SUPT6H: variants seen among roughly 807,000 people sequenced by gnomAD.
The protein encoded by SUPT6H is SPT6 homolog, histone chaperone and transcription elongation factor, also known as transcription elongation factor SPT6.
Under a neutral mutation model 222.3 loss-of-function variants are expected in SUPT6H, and 11 were observed. The observed-to-expected ratio is 0.05, with a 90% CI of 0.03 to 0.08. SUPT6H has a LOEUF of 0.08. SUPT6H is among the 10% of genes least tolerant of loss of function. The pLI, the probability that SUPT6H is intolerant of heterozygous loss-of-function variation, is 1.00. For missense variants in SUPT6H, 1,422 were observed against 2,216.0 expected (o/e 0.64, Z 7.19); for synonymous variants, 762 against 801.2 (o/e 0.95, Z 0.83).
Position 28,691,254 on chromosome 17 carries a change from C to T in SUPT6H, c.3633+191C>T, listed in dbSNP as rs118073561. 4.8e-4 allele frequency: 351 copies of T among 727,514 alleles called. 5 individuals are homozygous for T. In the East Asian group the frequency reaches 9.5e-3, roughly 20 times the overall value. The allele number at this position is 727,514 out of a possible 1,614,324, so 45.1% of individuals were successfully genotyped here. On this transcript the variant is annotated intron_variant, in intron 27 of 36. Coordinates refer to ENST00000314616, the MANE Select transcript of SUPT6H (RefSeq NM_003170.5). The stretch of plus-strand genomic sequence containing the variant: ...CTGAGAAGGCTGACATAGCTGGGCA[C>T]GGTGGCTCACGCCTATAATCCTAGC...
rs1391018395 is a variant in SUPT6H, at chr17:28,686,777, C to T, written c.2688C>T (p.Ser896=). 1.2e-6 allele frequency: 2 copies of T among 1,605,196 alleles called. No individual in the cohort carries two copies. Among genetic ancestry groups the T allele is most frequent in the Non-Finnish European group, 1.7e-6 (2 of 1,176,628 alleles). ...DNELAILYMN[S]KKSEAEFRDY... ...AGTTGGCCATTCTCTATATGAACAGCAAGAAGTCAGAGGTAATGCTGGAGC... is the reference window on the plus strand; with the variant it reads ...AGTTGGCCATTCTCTATATGAACAGTAAGAAGTCAGAGGTAATGCTGGAGC... Residue 896 remains serine, a synonymous_variant, in exon 21 of 37, where the codon AGC becomes AGT. Coordinates refer to ENST00000314616, the MANE Select transcript of SUPT6H (RefSeq NM_003170.5).
chr17:28,697,605 A>C lies in SUPT6H; in HGVS notation c.4210-15A>C. 2 of 1,607,612 alleles carry C rather than the reference A, an allele frequency of 1.2e-6. No individual in the cohort carries two copies. Among genetic ancestry groups the C allele is most frequent in the African/African-American group, 2.7e-5 (2 of 74,898 alleles). On this transcript the variant is annotated splice_polypyrimidine_tract_variant and intron_variant, in intron 30 of 36. Transcript: ENST00000314616. The stretch of plus-strand genomic sequence containing the variant: ...TCTGGATATGACACATGGGGCCTTT[A>C]CCTTCTTCCCACAGGAATTCGAAGA...
intron 1 of SUPT6H, chr17:28,670,337 A>T (rs1476239347): frequency 6.6e-6 from 1 of 152,200 alleles, no homozygotes; most frequent in East Asian, 1.9e-4. Flanking sequence ...GGGACATAAA[A>T]TAGTAGGGTA....
chr17:28,690,978 G>A lies in SUPT6H; in HGVS notation c.3548G>A (p.Ser1183Asn). Residue 1183 changes from serine (S) to asparagine (N), a missense_variant, in exon 27 of 37, where the codon AGC (serine) becomes AAC (asparagine). Around this residue, in one of 13 missense-constraint regions of SUPT6H, gnomAD observed 60 missense variants for 96.7 expected, o/e 0.62. Transcript: ENST00000314616. The stretch of plus-strand genomic sequence containing the variant: ...GCCCACAGGCGTCCCCAGGGTGAGA[G>A]CTATGACCAGGCGATCCGCAATGAT... ...GIAHRRPQGESYDQAIRNDET... is the reference protein window; with the variant it reads ...GIAHRRPQGENYDQAIRNDET... The A allele has an allele frequency of 1.2e-6, 2 of 1,614,124 alleles. No homozygotes were observed. The highest frequency in any genetic ancestry group is 1.7e-6 in the Non-Finnish European group (2 of 1,180,042).
chr17:28,667,278 G>A (rs2030085236), intron 1 of SUPT6H, among the ~76,000 whole-genome samples: 1 of 146,964 alleles, frequency 6.8e-6, no homozygotes, highest in Non-Finnish European at 1.5e-5. Context: ...GGTTGAGGCA[G>A]GAGAATGGCG....
rs557568654 is a variant in SUPT6H at position 28,673,312 on chromosome 17, A to G, written c.-31-59A>G. The G allele has an allele frequency of 5.3e-5, 55 of 1,032,616 alleles. No individual in the cohort carries two copies. In the South Asian group the frequency reaches 6.8e-4, roughly 13 times the overall value. The allele number at this position is 1,032,616 out of a possible 1,614,324, so 64.0% of individuals were successfully genotyped here. A position where few individuals can be genotyped will look rare whatever the true frequency, so the allele number is the denominator to read the frequency against. ...AAAAGGCTGTTTGTGGGAAGGTTTA[A>G]GAGCCCTCTGTACAATCATGTGTCC... is the stretch of plus-strand genomic sequence containing the variant. On this transcript the variant is annotated intron_variant, in intron 1 of 36. Transcript: ENST00000314616.
At chr17:28,676,522 G>C (rs2030755983) in intron 7 of SUPT6H, 92 bp downstream of exon 7, 1 of 1,576,760 alleles carries the variant, frequency 6.3e-7, no homozygotes, top group Non-Finnish European at 8.6e-7. Flanking sequence ...TGAGTATCCA[G>C]CACAGGTTTG....
chr17:28,677,200 C>T (rs2030800999), intron 7 of SUPT6H, among the ~76,000 whole-genome samples: 2 of 151,562 alleles, frequency 1.3e-5, no homozygotes, highest in Admixed American at 1.3e-4. Context: ...TGGTAAAACC[C>T]TGTCTCTACT....
Position 28,690,165 on chromosome 17 carries a change from C to T in SUPT6H, c.3426C>T (p.Arg1142=), listed in dbSNP as rs200536845. Reference sequence around the variant, plus strand: ...ATAAGGACCTCCGGACAGCCTACCGCTCTCCCAACACAGAGGAGATCTTCA... The same window carrying T: ...ATAAGGACCTCCGGACAGCCTACCGTTCTCCCAACACAGAGGAGATCTTCA... The part of the protein sequence containing the change: ...CRYKDLRTAY[R]SPNTEEIFNM... Residue 1142 remains arginine (R), a synonymous_variant, in exon 26 of 37, where the codon CGC becomes CGT. Transcript: ENST00000314616. 1.2e-6 allele frequency: 2 copies of T among 1,613,894 alleles called. No individual in the cohort carries two copies. Among genetic ancestry groups the T allele is most frequent in the Admixed American group, 3.3e-5 (2 of 60,026 alleles).
Position 28,696,994 on chromosome 17 carries a change from G to A in SUPT6H, c.4121G>A (p.Ser1374Asn). Residue 1374 changes from serine to asparagine, a missense_variant, in exon 30 of 37, where the codon AGT becomes AAT. Transcript: ENST00000314616. ...ENHLTVTWKV[S>N]DGIYQHVDVR... is the part of the protein sequence containing the mutation. ...CACCTGACAGTGACCTGGAAAGTCA[G>A]TGATGGCATCTACCAGCATGTGGAT... 6 of 1,614,134 alleles carry A rather than the reference G, an allele frequency of 3.7e-6. No individual in the cohort carries two copies. The highest frequency in any genetic ancestry group is 3.4e-6 in the Non-Finnish European group (4 of 1,180,030).
At position 28,662,234 on chromosome 17, in the gene SUPT6H, G is replaced by T; in HGVS notation, c.-140G>T. 1 of 213,068 alleles carries T rather than the reference G, an allele frequency of 4.7e-6. No individual in the cohort carries two copies. Among genetic ancestry groups the T allele is most frequent in the South Asian group, 7.5e-5 (1 of 13,360 alleles). 13.2% of individuals were successfully genotyped at this position (213,068 alleles called of 1,614,324 possible). On this transcript the variant is annotated 5_prime_UTR_variant, in exon 1 of 37. Transcript: ENST00000314616. ...ACGCAGCAGCGGCGGCGGTGGCGGCGGAGGGGCCGTGCGGTGGGTCCGTAC... is the reference window on the plus strand; with the variant it reads ...ACGCAGCAGCGGCGGCGGTGGCGGCTGAGGGGCCGTGCGGTGGGTCCGTAC...
Position 28,673,356 on chromosome 17 carries a change from C to T in SUPT6H, c.-31-15C>T, listed in dbSNP as rs1214762924. ...TGTGTCCGTTTTTTTATCCTTCACT[C>T]TTTTCTTTCCCTAGTTATCTTCAGG... On this transcript the variant is annotated splice_polypyrimidine_tract_variant and intron_variant, in intron 1 of 36. Transcript: ENST00000314616. 2.0e-6 allele frequency: 3 copies of T among 1,510,550 alleles called. No homozygotes were observed. Among genetic ancestry groups the T allele is most frequent in the Non-Finnish European group, 2.8e-6 (3 of 1,089,534 alleles). The allele number at this position is 1,510,550 out of a possible 1,614,324, so 93.6% of individuals were successfully genotyped here.
chr17:28,681,401 G>A lies in SUPT6H; in HGVS notation c.1495G>A (p.Glu499Lys). The A allele has an allele frequency of 6.3e-7, 1 of 1,597,894 alleles. No individual in the cohort carries two copies. Among genetic ancestry groups the A allele is most frequent in the Non-Finnish European group, 8.5e-7 (1 of 1,173,192 alleles). Residue 499 changes from glutamate to lysine, a missense_variant, in exon 12 of 37, where the codon GAA becomes AAA. Physicochemically the swap from Glu to Lys is moderately conservative, Grantham distance 56. Around this residue, in one of 13 missense-constraint regions of SUPT6H, gnomAD observed 389 missense variants for 544.6 expected, o/e 0.71. Coordinates refer to ENST00000314616, the MANE Select transcript of SUPT6H (RefSeq NM_003170.5). Reference sequence around the variant, plus strand: ...GCGTGTCAGGGAAGAGGGAGATGAAGAAGGTTAGTGCTGGAAAAGAAAATC... The same window carrying A: ...GCGTGTCAGGGAAGAGGGAGATGAAAAAGGTTAGTGCTGGAAAAGAAAATC... ...LKRVREEGDE[E>K]GEGDEAEDEE...
At chr17:28,684,154 G>A (rs562786119) in intron 17 of SUPT6H, among the ~76,000 whole-genome samples, 12 of 152,010 alleles carry the variant, frequency 7.9e-5, no homozygotes, top group South Asian at 2.1e-4. Context: ...GAGCCACCAC[G>A]CCCAGCCGAG....
chr17:28,684,027 A>G (rs1480006711), intron 17 of SUPT6H, among the ~76,000 whole-genome samples: 1 of 151,974 alleles, frequency 6.6e-6, no homozygotes, highest in Non-Finnish European at 1.5e-5. Flanking sequence ...AGTATAAAAT[A>G]TGTTATATTT....
chr17:28,682,927 C>T lies in SUPT6H; in HGVS notation c.1728-15C>T. On this transcript the variant is annotated splice_polypyrimidine_tract_variant and intron_variant, in intron 14 of 36. Transcript: ENST00000314616. ...ACAACACCCTGGTCCTGTAGCTGCA[C>T]CATTTTCCCCACAGCCAGTTCCCTA... 1.9e-6 allele frequency: 3 copies of T among 1,611,388 alleles called. No individual in the cohort carries two copies. The highest frequency in any genetic ancestry group is 2.5e-6 in the Non-Finnish European group (3 of 1,178,254).
intron 8 of SUPT6H, 117 bp from the exon 9 acceptor site, chr17:28,677,959 T>C: frequency 1.5e-6 from 2 of 1,323,194 alleles, no homozygotes; most frequent in Non-Finnish European, 2.1e-6. Flanking sequence ...TGTGTGTATA[T>C]GAGAAAAATT....
chr17:28,683,181 T>C, intron 15 of SUPT6H, 87 bp from the exon 16 acceptor site: 1 of 1,574,744 alleles, frequency 6.4e-7, no homozygotes. Flanking sequence ...CACTGAGCTG[T>C]GTGTCTGAAA....
chr17:28,669,745 G>T lies in SUPT6H; in HGVS notation c.-31-3626G>T, dbSNP rs539545934. Among the ~76,000 whole-genome samples, 146 of 152,260 alleles carry T rather than the reference G, an allele frequency of 9.6e-4. 1 individual carries two copies. The highest frequency in any genetic ancestry group is 3.4e-3 in the Middle Eastern group (1 of 294). Reference sequence around the variant, plus strand: ...AGGTCAGGAGTTCGAGACCAGCCTGGCCAATATGGCCAAACCCCATCTCTA... The same window carrying T: ...AGGTCAGGAGTTCGAGACCAGCCTGTCCAATATGGCCAAACCCCATCTCTA... On this transcript the variant is annotated intron_variant, in intron 1 of 36. Transcript: ENST00000314616.
Sources: gnomAD v4.1 joint callset for allele counts (sites outside exome capture counted in the v4.1 genomes callset) on GRCh38, gnomAD v4.1.1 for gene constraint, gnomAD v4.1.1 regional missense constraint, MANE v1.5 for transcripts, NCBI Gene and HGNC (gene_info 2026-07-23, HGNC 2026-07-21) for gene names.